The following ZNF565 variants were observed in gnomAD, a reference collection of about 807,000 sequenced individuals.
ZNF565 encodes the protein zinc finger protein 565.
Under a neutral mutation model 39.4 loss-of-function variants are expected in ZNF565, and 27 were observed. The ratio of observed to expected loss-of-function variants is 0.69; its 90% CI spans 0.51 to 0.95. The LOEUF is 0.95. ZNF565 is among the 40% of genes least tolerant of loss of function. ZNF565 has a pLI of 0.00. For synonymous variants in ZNF565, 185 were observed against 216.6 expected (o/e 0.85, Z 1.28); for missense variants, 524 against 621.1 (o/e 0.84, Z 1.66).
At position 36,182,963 on chromosome 19, in the gene ZNF565, A is replaced by G; in HGVS notation, c.1003T>C (p.Tyr335His). 1 of 1,614,066 alleles carries G rather than the reference A, an allele frequency of 6.2e-7. No individual in the cohort carries two copies. Among genetic ancestry groups the G allele is most frequent in the Non-Finnish European group, 8.5e-7 (1 of 1,180,016 alleles). The change falls in exon 5 of 5, where the codon TAC (tyrosine) becomes CAC (histidine). Residue 335 changes from tyrosine (Y) to histidine (H), a missense_variant. Coordinates refer to ENST00000304116, the MANE Select transcript of ZNF565 (RefSeq NM_152477.5). The stretch of plus-strand genomic sequence containing the variant: ...CCCTTTCCGCATTCCTTACACTCGT[A>G]GGGTTTCTCACCAGTGTGGATTCGC... ...HQRIHTGEKP[Y>H]ECKECGKGFI...
chr19:36,204,393 G>A (rs934570510), intron 1 of ZNF565, among the ~76,000 whole-genome samples: 5 of 152,164 alleles, frequency 3.3e-5, no homozygotes, highest in Admixed American at 1.3e-4. Flanking sequence ...GAAATGCAGT[G>A]GCAAAAACAC....
chr19:36,240,100 CTT>C (rs1462714463), intron 1 of ZNF565, among the ~76,000 whole-genome samples: 2 of 152,188 alleles, frequency 1.3e-5, no homozygotes, highest in Non-Finnish European at 2.9e-5. Flanking sequence ...AAGGTGTTGT[CTT>C]TATGATACAG....
At chr19:36,228,224 TC>T (rs1977166643) in intron 1 of ZNF565, among the ~76,000 whole-genome samples, 1 of 151,172 alleles carries the variant, frequency 6.6e-6, no homozygotes, top group South Asian at 2.1e-4. Context: ...AAATAGGACT[TC>T]AGGAAAATGT....
intron 2 of ZNF565, 115 bp downstream of exon 2, chr19:36,201,862 T>C: frequency 1.6e-6 from 2 of 1,275,568 alleles, no homozygotes; most frequent in East Asian, 4.6e-5. Context: ...ACTCATCTCC[T>C]GGAATGGACC....
intron 4 of ZNF565, among the ~76,000 whole-genome samples, chr19:36,193,495 C>A (rs1045069122): frequency 1.4e-5 from 2 of 143,410 alleles, no homozygotes; most frequent in Non-Finnish European, 3.0e-5. Flanking sequence ...GGCTGGAGTG[C>A]AGTGGCGCGA....
upstream of ZNF565, among the ~76,000 whole-genome samples, chr19:36,216,573 G>C (rs1057159123): frequency 6.6e-6 from 1 of 152,114 alleles, no homozygotes; most frequent in Non-Finnish European, 1.5e-5. Context: ...CAGGAAAATC[G>C]CTTGAACCTG....
rs1364887091 is a variant in ZNF565, at chr19:36,245,739, C to G, written c.-209G>C. On this transcript the variant is annotated 5_prime_UTR_variant, in exon 1 of 5. Coordinates refer to the ZNF565 transcript ENST00000355114. The surrounding 1 kb of genome is among the most constrained non-coding windows in gnomAD (Gnocchi z 4.4). ...AGCTATGACCCACCCTGGCTCCGTC[C>G]ACGGTTGTCGGGGTCCCGGGCTGCT... 2 of 554,516 alleles carry G rather than the reference C, an allele frequency of 3.6e-6. No individual in the cohort carries two copies. Among genetic ancestry groups the G allele is most frequent in the Non-Finnish European group, 6.4e-6 (2 of 312,690 alleles). The allele number at this position is 554,516 out of a possible 1,614,324, so 34.3% of individuals were successfully genotyped here.
At chr19:36,204,106 C>G (rs1029759553) in intron 1 of ZNF565, among the ~76,000 whole-genome samples, 1 of 151,506 alleles carries the variant, frequency 6.6e-6, no homozygotes, top group African/African-American at 2.4e-5. Context: ...TGCACCACCA[C>G]GCCTGGCTAA....
At chr19:36,239,528 T>C (rs533087584) in intron 1 of ZNF565, among the ~76,000 whole-genome samples, 43 of 152,098 alleles carry the variant, frequency 2.8e-4, no homozygotes, top group Admixed American at 6.6e-4. Context: ...TCTCCGTATA[T>C]TGCCCAGATT....
chr19:36,227,994 C>A (rs1977149051), intron 1 of ZNF565, among the ~76,000 whole-genome samples: 1 of 152,024 alleles, frequency 6.6e-6, no homozygotes, highest in Non-Finnish European at 1.5e-5. Context: ...AACTCTGTCT[C>A]TACTAAAAAT....
chr19:36,206,858 TA>T (rs1976174987), intron 1 of ZNF565, among the ~76,000 whole-genome samples: 1 of 152,018 alleles, frequency 6.6e-6, no homozygotes, highest in Non-Finnish European at 1.5e-5. Flanking sequence ...TATGTATATA[TA>T]GATGTCAGGT....
intron 1 of ZNF565, among the ~76,000 whole-genome samples, chr19:36,209,258 C>T (rs922480862): frequency 3.9e-5 from 6 of 152,120 alleles, no homozygotes; most frequent in Non-Finnish European, 5.9e-5. Context: ...GGGCTGGGCG[C>T]AGTGGCTCAC....
At chr19:36,192,092 G>A (rs571456109) in intron 4 of ZNF565, among the ~76,000 whole-genome samples, 462 of 150,416 alleles carry the variant, frequency 3.1e-3, no homozygotes, top group African/African-American at 4.7e-3. Flanking sequence ...GGGTTCAAGC[G>A]ATTCTCCTGT....
Position 36,235,321 on chromosome 19 carries a change from A to G in ZNF565, c.55+10155T>C, listed in dbSNP as rs769193928. 4.2e-4 allele frequency among the ~76,000 whole-genome samples: 64 copies of G among 152,182 alleles called. 1 individual carries two copies. The Middle Eastern group carries it at 0.024, about 57-fold the overall frequency. On this transcript the variant is annotated intron_variant, in intron 1 of 4. Transcript: ENST00000355114. ...ATTTGGCAATTCTTCATTATTTGTT[A>G]TACAACTTGCTAAATTCTGAAATGG...
chr19:36,204,727 C>T (rs555959614), intron 1 of ZNF565, among the ~76,000 whole-genome samples: 3 of 152,096 alleles, frequency 2.0e-5, no homozygotes, highest in Non-Finnish European at 4.4e-5. Context: ...TGGTGGCTCA[C>T]GCCTGTCATC....
Position 36,186,521 on chromosome 19 carries a change from C to T in ZNF565, c.233-2788G>A, listed in dbSNP as rs553039168. Among the ~76,000 whole-genome samples the T allele has an allele frequency of 2.1e-4, 32 of 152,328 alleles. No individual in the cohort carries two copies. The South Asian group carries it at 6.0e-3, about 29-fold the overall frequency. On this transcript the variant is annotated intron_variant, in intron 4 of 4. Transcript: ENST00000304116. ...AAACCAACCCAGCTGGGCGTGGTGG[C>T]TCATGCCTGTAATCCCAGCACTTTA...
chr19:36,192,693 G>A (rs933264589), intron 4 of ZNF565, among the ~76,000 whole-genome samples: 4 of 151,634 alleles, frequency 2.6e-5, no homozygotes, highest in Non-Finnish European at 4.4e-5. Flanking sequence ...GTAGAGATGG[G>A]GTTTTACCAT....
At position 36,202,026 on chromosome 19, in the gene ZNF565, T is replaced by G; in HGVS notation, c.-41A>C. ...TTGACCTGCTCTGATTTCTCTGGAT[T>G]CTTCTCTTGGACAAGTGCAGAGTCC... is the stretch of plus-strand genomic sequence containing the variant. On this transcript the variant is annotated 5_prime_UTR_variant, in exon 2 of 5. Coordinates refer to ENST00000304116, the MANE Select transcript of ZNF565 (RefSeq NM_152477.5). The G allele has an allele frequency of 6.2e-7, 1 of 1,613,884 alleles. No individual in the cohort carries two copies. The highest frequency in any genetic ancestry group is 8.5e-7 in the Non-Finnish European group (1 of 1,179,814).
intron 4 of ZNF565, among the ~76,000 whole-genome samples, chr19:36,187,450 C>G (rs1284847978): frequency 6.6e-6 from 1 of 151,906 alleles, no homozygotes; most frequent in Non-Finnish European, 1.5e-5. Flanking sequence ...CAAGCTCTGC[C>G]TCCCGGATTC....
Sources: gnomAD v4.1 joint callset for allele counts (sites outside exome capture counted in the v4.1 genomes callset) on GRCh38, gnomAD v4.1.1 for gene constraint, Gnocchi (gnomAD v3.1) non-coding constraint, MANE v1.5 for transcripts, NCBI Gene and HGNC (gene_info 2026-07-23, HGNC 2026-07-21) for gene names.